The following LEAP2 variants were observed in gnomAD, a reference collection of about 807,000 sequenced individuals.
LEAP2 encodes the protein liver-expressed antimicrobial peptide 2.
Under a neutral mutation model 9.3 loss-of-function variants are expected in LEAP2, and 13 were observed. That is an observed-to-expected ratio of 1.39 (90% CI 0.91 to 2.21). The LOEUF (loss-of-function observed/expected upper bound fraction) is 2.21. LEAP2 is among the 30% of genes most tolerant of loss of function. LEAP2 has a pLI of 0.00. For synonymous variants in LEAP2, 34 were observed against 34.9 expected (o/e 0.98, Z 0.09); for missense variants, 98 against 94.0 (o/e 1.04, Z -0.17).
rs368316569 is a variant in LEAP2, at chr5:132,874,109, G to A, written c.197+20G>A. 8.7e-6 allele frequency: 14 copies of A among 1,606,120 alleles called. No homozygotes were observed. Among genetic ancestry groups the A allele is most frequent in the Admixed American group, 6.7e-5 (4 of 59,666 alleles). On this transcript the variant is annotated intron_variant, in intron 2 of 2. Transcript: ENST00000296877. Reference sequence around the variant, plus strand: ...ATGCAGGTACTCCCTGAACCTGGGAGCAGGGTTGGGCCAGAGAGCCCTGGG... The same window carrying A: ...ATGCAGGTACTCCCTGAACCTGGGAACAGGGTTGGGCCAGAGAGCCCTGGG...
rs753257903 is a variant in LEAP2, at chr5:132,874,053, GC to G, written c.163del (p.Arg55GlyfsTer18). 6.2e-7 allele frequency: 1 copy of G among 1,614,100 alleles called. No homozygotes were observed. Among genetic ancestry groups the G allele is most frequent in the South Asian group, 1.1e-5 (1 of 91,086 alleles). On this transcript the variant is annotated frameshift_variant, in exon 2 of 3. Transcript: ENST00000296877. LOFTEE classifies it high-confidence loss of function. ...GVSLRPIGAS[C>X]RDDSECITRL... ...TCCCTCAGGCCTATTGGAGCCTCCTGCCGGGATGATTCTGAGTGTATCACAA... is the reference window on the plus strand; with the variant it reads ...TCCCTCAGGCCTATTGGAGCCTCCTGCGGGATGATTCTGAGTGTATCACAA...
chr5:132,874,244 G>A (rs543940858), intron 2 of LEAP2, among the ~76,000 whole-genome samples, 155 bp downstream of exon 2: 4 of 152,268 alleles, frequency 2.6e-5, no homozygotes, highest in Non-Finnish European at 4.4e-5. Flanking sequence ...TAGGAGTTAG[G>A]AGCCAAGAAC....
Position 132,873,985 on chromosome 5 carries a change from A to G in LEAP2, c.93A>G (p.Ala31=), listed in dbSNP as rs567722639. 2.5e-6 allele frequency: 4 copies of G among 1,614,182 alleles called. No individual in the cohort carries two copies. The highest frequency in any genetic ancestry group is 2.2e-5 in the South Asian group (2 of 91,076). The change falls in exon 2 of 3, where the codon GCA becomes GCG. Residue 31 remains alanine (A), a synonymous_variant. Transcript: ENST00000296877. ...DGSPIPEVSS[A]KRRPRRMTPF... The stretch of plus-strand genomic sequence containing the variant: ...CCCCAATACCAGAAGTGAGTTCGGC[A>G]AAGAGAAGGCCACGGAGAATGACCC...
Position 132,874,489 on chromosome 5 carries a change from A to C in LEAP2, c.*43A>C, listed in dbSNP as rs780394898. On this transcript the variant is annotated 3_prime_UTR_variant, in exon 3 of 3. Transcript: ENST00000296877. The stretch of plus-strand genomic sequence containing the variant: ...GAAAGGACAGCAGTCACCTCCGACA[A>C]TGCTCCGTTCTATGGAATATTGATT... 1 of 1,551,278 alleles carries C rather than the reference A, an allele frequency of 6.4e-7. No homozygotes were observed. The highest frequency in any genetic ancestry group is 1.1e-5 in the South Asian group (1 of 89,660).
chr5:132,873,872 C>A, intron 1 of LEAP2, 78 bp from the exon 2 acceptor site: 2 of 1,593,680 alleles, frequency 1.3e-6, no homozygotes, highest in East Asian at 2.2e-5. Flanking sequence ...ACAGCATCTG[C>A]GGAATGGAAT....
At chr5:132,874,174 A>C in intron 2 of LEAP2, 85 bp downstream of exon 2, 1 of 1,422,478 alleles carries the variant, frequency 7.0e-7, no homozygotes. Flanking sequence ...CATGAACCTA[A>C]GAATAAAGCT....
rs758206502 is a variant in LEAP2, at chr5:132,873,930, G to C, written c.58-20G>C. On this transcript the variant is annotated intron_variant, in intron 1 of 2. Coordinates refer to ENST00000296877, the MANE Select transcript of LEAP2 (RefSeq NM_052971.3). Reference sequence around the variant, plus strand: ...GCAGGGTGTCAACACTTTCATATCTGAATGTCTTTGCCCTTACAGATAGAT... The same window carrying C: ...GCAGGGTGTCAACACTTTCATATCTCAATGTCTTTGCCCTTACAGATAGAT... The C allele has an allele frequency of 8.7e-6, 14 of 1,613,200 alleles. No individual in the cohort carries two copies. The highest frequency in any genetic ancestry group is 1.0e-5 in the Non-Finnish European group (12 of 1,179,294).
At chr5:132,874,374 C>A in intron 2 of LEAP2, 36 bp from the exon 3 acceptor site, 1 of 1,590,520 alleles carries the variant, frequency 6.3e-7, no homozygotes, top group Non-Finnish European at 8.6e-7. Context: ...CATTCCTAGA[C>A]CCAGTCTTAA....
rs950820070 is a variant in LEAP2, at chr5:132,873,683, C to T, written c.-12C>T. On this transcript the variant is annotated 5_prime_UTR_variant, in exon 1 of 3. Transcript: ENST00000296877. The stretch of plus-strand genomic sequence containing the variant: ...CCTGGCTTTCAGGCTCCAACATCCT[C>T]CCCCTGTCAAGATGTGGCACCTCAA... 6 of 1,612,524 alleles carry T rather than the reference C, an allele frequency of 3.7e-6. No homozygotes were observed. Among genetic ancestry groups the T allele is most frequent in the Middle Eastern group, 1.6e-4 (1 of 6,084 alleles).
chr5:132,874,502 TGGAATATTGATTAACTGCATTTTGGCTG>T lies in LEAP2; in HGVS notation c.*58_*85del. ...TCACCTCCGACAATGCTCCGTTCTA[TGGAATATTGATTAACTGCATTTTGGCTG>T]GAGACACCCAAGTGAAGCAATCTTG... On this transcript the variant is annotated 3_prime_UTR_variant, in exon 3 of 3. Coordinates refer to ENST00000296877, the MANE Select transcript of LEAP2 (RefSeq NM_052971.3). The T allele has an allele frequency of 6.8e-7, 1 of 1,474,220 alleles. No homozygotes were observed. The highest frequency in any genetic ancestry group is 9.5e-7 in the Non-Finnish European group (1 of 1,052,946). 91.3% of individuals were successfully genotyped at this position (1,474,220 alleles called of 1,614,324 possible).
intron 2 of LEAP2, 59 bp downstream of exon 2, chr5:132,874,148 G>A (rs1159774501): frequency 5.2e-6 from 8 of 1,539,954 alleles, no homozygotes; most frequent in African/African-American, 2.7e-5. Flanking sequence ...CTGGGCAGAG[G>A]AGTGACAAGG....
Position 132,873,743 on chromosome 5 carries a change from T to C in LEAP2, c.49T>C (p.Leu17=), listed in dbSNP as rs140074230. ...AGTCCTCATGATCTTCCTGTTGCTG[T>C]TGGGCCAGGTAAGGAGGGAAGGATA... ...CAVLMIFLLL[L]GQIDGSPIPE... The change falls in exon 1 of 3, where the codon TTG becomes CTG. Residue 17 remains leucine (L), a synonymous_variant. Transcript: ENST00000296877. The C allele has an allele frequency of 1.8e-5, 29 of 1,613,574 alleles. No individual in the cohort carries two copies. The highest frequency in any genetic ancestry group is 1.6e-4 in the Middle Eastern group (1 of 6,062).
intron 2 of LEAP2, 113 bp from the exon 3 acceptor site, chr5:132,874,297 T>G (rs1759785628): frequency 1.9e-6 from 2 of 1,074,648 alleles, no homozygotes; most frequent in African/African-American, 3.1e-5. Flanking sequence ...CTTTCCATTC[T>G]TCAGTCTTTC....
In LEAP2 at chr5:132,874,821, C is replaced by T. The variant is rs1368408280; in HGVS notation, c.*375C>T. The T allele has an allele frequency of 5.5e-6, 2 of 363,592 alleles. No homozygotes were observed. Among genetic ancestry groups the T allele is most frequent in the African/African-American group, 4.2e-5 (2 of 47,068 alleles). The allele number at this position is 363,592 out of a possible 1,614,324, so 22.5% of individuals were successfully genotyped here. A position where few individuals can be genotyped will look rare whatever the true frequency, so the allele number is the denominator to read the frequency against. On this transcript the variant is annotated 3_prime_UTR_variant, in exon 3 of 3. Coordinates refer to ENST00000296877, the MANE Select transcript of LEAP2 (RefSeq NM_052971.3). The stretch of plus-strand genomic sequence containing the variant: ...AATCTGGAAAGTGTAGTGAGAGCTA[C>T]ATAATCAATAGCTACGTAATCAACT...
rs138143771 is a variant in LEAP2, at chr5:132,873,760, G to A, written c.57+9G>A. The A allele has an allele frequency of 5.3e-4, 853 of 1,612,436 alleles. 8 individuals are homozygous for A. In the East Asian group the frequency reaches 0.013, roughly 25 times the overall value. ...TGTTGCTGTTGGGCCAGGTAAGGAG[G>A]GAAGGATACTTATGTGTGTGTGTGG... On this transcript the variant is annotated intron_variant, in intron 1 of 2. Coordinates refer to ENST00000296877, the MANE Select transcript of LEAP2 (RefSeq NM_052971.3).
chr5:132,874,126 A>G (rs1316345971), intron 2 of LEAP2, 37 bp downstream of exon 2: 3 of 1,592,624 alleles, frequency 1.9e-6, no homozygotes, highest in Non-Finnish European at 2.6e-6. Context: ...TGGGCCAGAG[A>G]GCCCTGGGAA....
chr5:132,874,417 C>A lies in LEAP2; in HGVS notation c.205C>A (p.Arg69Ser), dbSNP rs183124357. The A allele has an allele frequency of 6.2e-7, 1 of 1,613,648 alleles. No homozygotes were observed. Among genetic ancestry groups the A allele is most frequent in the Non-Finnish European group, 8.5e-7 (1 of 1,179,690 alleles). The change falls in exon 3 of 3, where the codon CGC becomes AGC. Residue 69 changes from arginine (R) to serine (S), a missense_variant. Physicochemically the swap from Arg to Ser is moderately radical, Grantham distance 110. Transcript: ENST00000296877. ...CCCTTTCTTTTCCCCTAGAAAAAGA[C>A]GCTGTTCCTTAAGTGTGGCCCAGGA... ...ECITRLCRKR[R>S]CSLSVAQE
chr5:132,874,335 G>A, intron 2 of LEAP2, 75 bp from the exon 3 acceptor site: 1 of 1,290,528 alleles, frequency 7.7e-7, no homozygotes, highest in Middle Eastern at 1.8e-4. Flanking sequence ...AAGCAAAGAG[G>A]AAGGAAATGC....
At chr5:132,874,230 C>A in intron 2 of LEAP2, 141 bp downstream of exon 2, 2 of 1,075,994 alleles carry the variant, frequency 1.9e-6, no homozygotes, top group Non-Finnish European at 1.4e-6. Context: ...CATGGAAAAT[C>A]CCTTAGGAGT....
Sources: gnomAD v4.1 joint callset for allele counts (sites outside exome capture counted in the v4.1 genomes callset) on GRCh38, gnomAD v4.1.1 for gene constraint, MANE v1.5 for transcripts, NCBI Gene and HGNC (gene_info 2026-07-23, HGNC 2026-07-21) for gene names.